Variants in DTHD1 observed in about 807,000 individuals in gnomAD.
DTHD1 encodes the protein death domain-containing protein 1.
In DTHD1, 59 loss-of-function variants were observed where a neutral mutation model predicts 74.8. The observed-to-expected ratio is 0.79, with a 90% CI of 0.64 to 0.98. The LOEUF is 0.98. Among genes scored for constraint, DTHD1 ranks in the 50% least tolerant of loss-of-function variants. The pLI is 0.00. For missense variants in DTHD1, 1,051 were observed against 1,065.4 expected (o/e 0.99, Z 0.19); for synonymous variants, 365 against 371.1 (o/e 0.98, Z 0.19).
intron 3 of DTHD1, 44 bp downstream of exon 3, chr4:36,290,747 T>G (rs911388558): frequency 7.1e-7 from 1 of 1,403,224 alleles, no homozygotes; most frequent in Non-Finnish European, 9.6e-7. Context: ...GTTTGGCTCC[T>G]CTTATAAATA....
chr4:36,330,605 T>C (rs1385183201), intron 8 of DTHD1, among the ~76,000 whole-genome samples: 1 of 152,130 alleles, frequency 6.6e-6, no homozygotes, highest in African/African-American at 2.4e-5. Flanking sequence ...CTGGAGGAAG[T>C]ATTATTTATT....
At chr4:36,307,503 C>A (rs549356152) in intron 6 of DTHD1, among the ~76,000 whole-genome samples, 3 of 152,182 alleles carry the variant, frequency 2.0e-5, no homozygotes, top group Non-Finnish European at 4.4e-5. Flanking sequence ...TCTGTAAAGT[C>A]CTTATCTCCA....
At chr4:36,342,094 G>T (rs572178059) in intron 9 of DTHD1, among the ~76,000 whole-genome samples, 13 of 152,322 alleles carry the variant, frequency 8.5e-5, no homozygotes, top group African/African-American at 3.1e-4. Flanking sequence ...TGGGGTCGGA[G>T]GTGTGAATGA....
intron 3 of DTHD1, 34 bp downstream of exon 3, chr4:36,290,737 G>A (rs1397897509): frequency 6.8e-7 from 1 of 1,460,678 alleles, no homozygotes; most frequent in Non-Finnish European, 9.2e-7. Context: ...TACATTTGCT[G>A]TTTGGCTCCT....
chr4:36,283,082 T>C (rs961365896), intron 1 of DTHD1, among the ~76,000 whole-genome samples: 8 of 152,206 alleles, frequency 5.3e-5, no homozygotes, highest in Non-Finnish European at 1.0e-4. Context: ...GATTTGGTGA[T>C]GGCTTTAAAA....
chr4:36,290,970 G>T (rs1756043778), intron 3 of DTHD1, among the ~76,000 whole-genome samples: 1 of 152,130 alleles, frequency 6.6e-6, no homozygotes, highest in Admixed American at 6.6e-5. Context: ...CAAAATCATG[G>T]CTTAATTACT....
intron 5 of DTHD1, among the ~76,000 whole-genome samples, chr4:36,302,921 C>T (rs1407891901): frequency 6.6e-6 from 1 of 152,046 alleles, no homozygotes; most frequent in Non-Finnish European, 1.5e-5. Context: ...ATGAATATCA[C>T]AAAGAAAATA....
intron 8 of DTHD1, among the ~76,000 whole-genome samples, chr4:36,332,967 A>C (rs983775626): frequency 1.3e-5 from 2 of 152,190 alleles, no homozygotes; most frequent in Admixed American, 6.5e-5. Flanking sequence ...TATTTGCATA[A>C]AAGCTGAGGT....
Position 36,287,355 on chromosome 4 carries a change from T to C in DTHD1, c.887+2764T>C, listed in dbSNP as rs577887118. Among the ~76,000 whole-genome samples, 15 of 152,346 alleles carry C rather than the reference T, an allele frequency of 9.8e-5. No individual in the cohort carries two copies. The South Asian group carries it at 2.3e-3, about 23-fold the overall frequency. On this transcript the variant is annotated intron_variant, in intron 2 of 9. Coordinates refer to ENST00000639862, the MANE Select transcript of DTHD1 (RefSeq NM_001170700.3). ...AGTATTCCAGGGCATGATATAAATA[T>C]GTATATGTAACAATTTCTTTATCCA...
intron 8 of DTHD1, among the ~76,000 whole-genome samples, chr4:36,320,582 C>T (rs1757986285): frequency 6.6e-6 from 1 of 152,232 alleles, no homozygotes; most frequent in Non-Finnish European, 1.5e-5. Context: ...TCCAGATTCA[C>T]TCTTTGAGCC....
Position 36,294,794 on chromosome 4 carries a change from G to C in DTHD1, c.1399-1G>C, listed in dbSNP as rs1298218245. ...TAAGAAAAAATATATTTTTTGTTTA[G>C]ATCCAACCAGTTGACCCAGCTCTGG... On this transcript the variant is annotated splice_acceptor_variant, in intron 4 of 9. Coordinates refer to ENST00000639862, the MANE Select transcript of DTHD1 (RefSeq NM_001170700.3). LOFTEE classifies it high-confidence loss of function. 6.5e-7 allele frequency: 1 copy of C among 1,534,938 alleles called. No individual in the cohort carries two copies. Among genetic ancestry groups the C allele is most frequent in the Non-Finnish European group, 8.8e-7 (1 of 1,139,666 alleles).
Position 36,281,817 on chromosome 4 carries a change from G to C in DTHD1, c.59G>C (p.Arg20Thr). ...GGCCAAATATTGAAGCAGATTTGGAGACAAAACCAGATGCTAAAGCAGGCA... is the reference window on the plus strand; with the variant it reads ...GGCCAAATATTGAAGCAGATTTGGACACAAAACCAGATGCTAAAGCAGGCA... ...KLGQILKQIW[R>T]QNQMLKQALL... Residue 20 changes from arginine to threonine, a missense_variant, in exon 1 of 10, where the codon AGA becomes ACA. Arg to Thr is a moderately conservative substitution (Grantham distance 71). Coordinates refer to ENST00000639862, the MANE Select transcript of DTHD1 (RefSeq NM_001170700.3). 2 of 1,242,550 alleles carry C rather than the reference G, an allele frequency of 1.6e-6. No homozygotes were observed. The highest frequency in any genetic ancestry group is 7.8e-5 in the South Asian group (2 of 25,662). The allele number at this position is 1,242,550 out of a possible 1,614,324, so 77.0% of individuals were successfully genotyped here. A position where few individuals can be genotyped will look rare whatever the true frequency, so the allele number is the denominator to read the frequency against.
intron 8 of DTHD1, among the ~76,000 whole-genome samples, chr4:36,332,230 A>G: frequency 2.3e-5 from 1 of 43,464 alleles, no homozygotes; most frequent in South Asian, 5.9e-4. Flanking sequence ...AATAAAATAA[A>G]ATAAAATAAA....
intron 5 of DTHD1, among the ~76,000 whole-genome samples, chr4:36,300,324 C>T (rs1044392612): frequency 7.2e-5 from 11 of 152,176 alleles, no homozygotes; most frequent in Non-Finnish European, 1.2e-4. Context: ...TGGTGAAGGT[C>T]TCAAGTTCAC....
intron 8 of DTHD1, among the ~76,000 whole-genome samples, chr4:36,334,586 G>A (rs551204377): frequency 3.9e-5 from 6 of 151,974 alleles, no homozygotes; most frequent in Admixed American, 2.6e-4. Context: ...TGTCAAACTC[G>A]TGACCTCAGG....
chr4:36,302,272 A>G (rs1306694406), intron 5 of DTHD1, among the ~76,000 whole-genome samples: 1 of 152,222 alleles, frequency 6.6e-6, no homozygotes. Context: ...AAAGCAAAAG[A>G]GAATGGGACC....
rs1756293532 is a variant in DTHD1 at position 36,294,825 on chromosome 4, CA to C, written c.1430del (p.His477LeufsTer2). On this transcript the variant is annotated frameshift_variant, in exon 5 of 10. Coordinates refer to ENST00000639862, the MANE Select transcript of DTHD1 (RefSeq NM_001170700.3). LOFTEE classifies it high-confidence loss of function. ...ACCAGTTGACCCAGCTCTGGTGGCA[CA>C]TTTAAAAGCACAGCAAGATACTTTC... ...IQPVDPALVA[H>X]LKAQQDTFYS... 6.5e-7 allele frequency: 1 copy of C among 1,549,008 alleles called. No homozygotes were observed. The highest frequency in any genetic ancestry group is 8.7e-7 in the Non-Finnish European group (1 of 1,145,180).
At chr4:36,323,016 C>G (rs1758129324) in intron 8 of DTHD1, among the ~76,000 whole-genome samples, 1 of 152,182 alleles carries the variant, frequency 6.6e-6, no homozygotes, top group Admixed American at 6.5e-5. Flanking sequence ...CTTTTGACTC[C>G]TTCCTCCTAC....
chr4:36,335,958 G>A (rs1484157975), intron 8 of DTHD1, among the ~76,000 whole-genome samples: 1 of 152,208 alleles, frequency 6.6e-6, no homozygotes, highest in Non-Finnish European at 1.5e-5. Flanking sequence ...AGGTGCCTGT[G>A]TTTGGTTTCA....
Sources: gnomAD v4.1 joint callset for allele counts (sites outside exome capture counted in the v4.1 genomes callset) on GRCh38, gnomAD v4.1.1 for gene constraint, MANE v1.5 for transcripts, NCBI Gene and HGNC (gene_info 2026-07-23, HGNC 2026-07-21) for gene names.